CCDC60: variants seen among roughly 807,000 people sequenced by gnomAD.
The protein encoded by CCDC60 is coiled-coil domain-containing protein 60.
A neutral mutation model predicts 63.5 loss-of-function variants in CCDC60; 54 were observed. The observed-to-expected ratio is 0.85, with a 90% CI of 0.68 to 1.07. The LOEUF is 1.07. CCDC60 is among the 50% of genes least tolerant of loss of function. The probability of loss-of-function intolerance (pLI) is 0.00; values close to 1 mark genes in which losing one functional copy is unlikely to be tolerated. For synonymous variants in CCDC60, 206 were observed against 238.8 expected, an observed-to-expected ratio of 0.86 and a Z score of 1.27; for missense variants, 651 against 684.3, an observed-to-expected ratio of 0.95 and a Z score of 0.54.
At chr12:119,361,709 A>G (rs1418425492) in intron 1 of CCDC60, among the ~76,000 whole-genome samples, 1 of 152,222 alleles carries the variant, frequency 6.6e-6, no homozygotes, top group Non-Finnish European at 1.5e-5. Context: ...CCAACTGTTG[A>G]CAAGACAAAA....
intron 1 of CCDC60, among the ~76,000 whole-genome samples, chr12:119,414,251 T>G (rs974191693): frequency 2.0e-5 from 3 of 152,108 alleles, no homozygotes; most frequent in African/African-American, 7.2e-5. Flanking sequence ...ACTCCTGACC[T>G]CAAGAGATCT....
chr12:119,512,769 T>C (rs1952247975), intron 7 of CCDC60, among the ~76,000 whole-genome samples: 1 of 152,254 alleles, frequency 6.6e-6, no homozygotes, highest in Admixed American at 6.5e-5. Context: ...TTTGTTCATT[T>C]TGAGATGCAA....
intron 4 of CCDC60, among the ~76,000 whole-genome samples, chr12:119,487,300 T>TC (rs1951470762): frequency 6.7e-6 from 1 of 149,834 alleles, no homozygotes; most frequent in South Asian, 2.1e-4. Flanking sequence ...TTGTGAGCTT[T>TC]TTTTTTTTTT....
chr12:119,468,611 A>G (rs996755132), intron 2 of CCDC60, among the ~76,000 whole-genome samples: 1 of 152,248 alleles, frequency 6.6e-6, no homozygotes, highest in African/African-American at 2.4e-5. Context: ...AAGAGCAAAA[A>G]TACAGCATTT....
At chr12:119,524,931 G>A (rs1952646467) in intron 11 of CCDC60, among the ~76,000 whole-genome samples, 1 of 151,830 alleles carries the variant, frequency 6.6e-6, no homozygotes, top group Non-Finnish European at 1.5e-5. Context: ...CTCCCAAAAT[G>A]CTGGGTTTGC....
chr12:119,444,459 A>C (rs1950502090), intron 2 of CCDC60, among the ~76,000 whole-genome samples: 1 of 152,236 alleles, frequency 6.6e-6, no homozygotes, highest in African/African-American at 2.4e-5. Flanking sequence ...ACTGAGCTAC[A>C]AATTCAAGTC....
intron 7 of CCDC60, among the ~76,000 whole-genome samples, chr12:119,514,132 G>A (rs1409826693): frequency 6.6e-6 from 1 of 151,882 alleles, no homozygotes. Flanking sequence ...CCCTGTGTAG[G>A]CCTAGGCTAA....
intron 1 of CCDC60, among the ~76,000 whole-genome samples, chr12:119,398,399 C>G (rs1051504145): frequency 6.6e-6 from 1 of 152,136 alleles, no homozygotes; most frequent in African/African-American, 2.4e-5. Flanking sequence ...CACGCAGACT[C>G]GGTTCCCACC....
At chr12:119,425,617 G>A (rs1956886397) in intron 1 of CCDC60, among the ~76,000 whole-genome samples, 2 of 152,310 alleles carry the variant, frequency 1.3e-5, no homozygotes, top group Admixed American at 1.3e-4. Flanking sequence ...GTTTTTCTCT[G>A]ACTCTCTTCT....
At chr12:119,380,934 TA>T (rs1372652149) in intron 1 of CCDC60, among the ~76,000 whole-genome samples, 1 of 152,256 alleles carries the variant, frequency 6.6e-6, no homozygotes, top group Non-Finnish European at 1.5e-5. Flanking sequence ...ATCACGTTTC[TA>T]AAATGAGCTC....
chr12:119,400,314 G>T (rs1956369334), intron 1 of CCDC60, among the ~76,000 whole-genome samples: 1 of 152,206 alleles, frequency 6.6e-6, no homozygotes, highest in South Asian at 2.1e-4. Flanking sequence ...CTCCCAAAGT[G>T]CCGGGATTAC....
intron 1 of CCDC60, among the ~76,000 whole-genome samples, chr12:119,403,481 G>T (rs1024781790): frequency 6.6e-6 from 1 of 152,054 alleles, no homozygotes; most frequent in Non-Finnish European, 1.5e-5. Flanking sequence ...AGATTTCCTG[G>T]GCTTGCAGTC....
intron 1 of CCDC60, among the ~76,000 whole-genome samples, chr12:119,374,784 C>A (rs763784152): frequency 6.6e-6 from 1 of 152,126 alleles, no homozygotes; most frequent in Non-Finnish European, 1.5e-5. Flanking sequence ...AAGGGGCAGG[C>A]AATTCCCAGA....
intron 6 of CCDC60, among the ~76,000 whole-genome samples, chr12:119,503,314 A>G (rs1951904129): frequency 6.6e-6 from 1 of 152,230 alleles, no homozygotes; most frequent in Non-Finnish European, 1.5e-5. Flanking sequence ...ATCTCTCCCC[A>G]GAATGACAAA....
At chr12:119,469,506 C>T (rs1304294588) in intron 2 of CCDC60, among the ~76,000 whole-genome samples, 6 of 152,098 alleles carry the variant, frequency 3.9e-5, no homozygotes, top group East Asian at 1.9e-4. Flanking sequence ...GTGATCCACC[C>T]GCCCCGGCCT....
chr12:119,488,908 C>T (rs1049919112), intron 5 of CCDC60, 42 bp downstream of exon 5: 3 of 1,495,738 alleles, frequency 2.0e-6, no homozygotes, highest in Middle Eastern at 1.7e-4. Context: ...TAGCAGTAGG[C>T]TGGGCAGTGG....
At chr12:119,354,124 CTT>C in intron 1 of CCDC60, among the ~76,000 whole-genome samples, 1 of 152,004 alleles carries the variant, frequency 6.6e-6, no homozygotes, top group African/African-American at 2.4e-5. Flanking sequence ...CTCTCTCTCT[CTT>C]TCTCTGTCTA....
chr12:119,389,311 T>C (rs1956114499), intron 1 of CCDC60, among the ~76,000 whole-genome samples: 1 of 152,182 alleles, frequency 6.6e-6, no homozygotes, highest in South Asian at 2.1e-4. Flanking sequence ...ATAAATAAAG[T>C]TATACTGGAA....
At chr12:119,423,380 T>C (rs897224317) in intron 1 of CCDC60, among the ~76,000 whole-genome samples, 4 of 152,212 alleles carry the variant, frequency 2.6e-5, no homozygotes, top group African/African-American at 9.7e-5. Context: ...GGTGTACCCA[T>C]AATTACTTGC....
Sources: gnomAD v4.1 joint callset for allele counts (sites outside exome capture counted in the v4.1 genomes callset) on GRCh38, gnomAD v4.1.1 for gene constraint, MANE v1.5 for transcripts, NCBI Gene and HGNC (gene_info 2026-07-23, HGNC 2026-07-21) for gene names.